C2orf78: variants seen among roughly 807,000 people sequenced by gnomAD.
C2orf78 encodes chromosome 2 open reading frame 78.
In C2orf78, 12 loss-of-function variants were observed where a neutral mutation model predicts 21.4. The ratio of observed to expected loss-of-function variants is 0.56; its 90% CI spans 0.36 to 0.91. The LOEUF (loss-of-function observed/expected upper bound fraction) is 0.91, where lower values mean the gene tolerates loss of function less well. Among genes scored for constraint, C2orf78 ranks in the 40% least tolerant of loss-of-function variants. The probability of loss-of-function intolerance (pLI) is 0.01; values close to 1 mark genes in which losing one functional copy is unlikely to be tolerated. For synonymous variants in C2orf78, 396 were observed against 413.9 expected, an observed-to-expected ratio of 0.96 and a Z score of 0.52; for missense variants, 1,042 against 1,092.4, an observed-to-expected ratio of 0.95 and a Z score of 0.65.
At chr2:73,815,832 A>G (rs1340459623) in exon 3 of C2orf78, 4 of 1,613,706 alleles carry the variant, frequency 2.5e-6, no homozygotes, top group Admixed American at 3.3e-5. Context: ...TGGCAGTGCT[A>G]CAGTCAGTAA....
At chr2:73,813,742 C>T in exon 2 of C2orf78, 1 of 1,614,058 alleles carries the variant, frequency 6.2e-7, no homozygotes, top group East Asian at 2.2e-5. Flanking sequence ...CTTCAGCTGC[C>T]TCTTATCCAG....
exon 3 of C2orf78, chr2:73,815,583 C>T (rs557579254): frequency 1.9e-6 from 3 of 1,613,936 alleles, no homozygotes; most frequent in African/African-American, 1.3e-5. Flanking sequence ...TACTTACCTC[C>T]CCCCGATCTT....
At chr2:73,808,227 C>G (rs1672998857) in intron 1 of C2orf78, among the ~76,000 whole-genome samples, 1 of 150,920 alleles carries the variant, frequency 6.6e-6, no homozygotes, top group African/African-American at 2.5e-5. Context: ...GCACTCCAGC[C>G]TGGGTGACAG....
rs760545460 is a variant in C2orf78 at position 73,813,461 on chromosome 2, CTCTT to C, written c.98-15_98-12del. 1.4e-5 allele frequency: 22 copies of C among 1,564,228 alleles called. No individual in the cohort carries two copies. The Middle Eastern group carries it at 5.1e-4, about 37-fold the overall frequency. Reference sequence around the variant, plus strand: ...CACTCTCATCGGTTTTTTCATCTCTCTCTTGTTTCCTACAGAATATTTCCAAAAT... The same window carrying C: ...CACTCTCATCGGTTTTTTCATCTCTCGTTTCCTACAGAATATTTCCAAAAT... On this transcript the variant is annotated splice_polypyrimidine_tract_variant and intron_variant, in intron 1 of 2. Coordinates refer to ENST00000409561, the Ensembl canonical transcript of C2orf78.
chr2:73,810,969 CATATAT>C (rs35395110), intron 1 of C2orf78, among the ~76,000 whole-genome samples: 5 of 136,130 alleles, frequency 3.7e-5, no homozygotes, highest in African/African-American at 1.4e-4. Flanking sequence ...ATGTATATTT[CATATAT>C]ATATATATAT....
At chr2:73,814,484 C>G (rs1448558413) in intron 2 of C2orf78, among the ~76,000 whole-genome samples, 3 of 152,212 alleles carry the variant, frequency 2.0e-5, no homozygotes, top group Non-Finnish European at 4.4e-5. Context: ...TTTTAGTGCC[C>G]TGACTGATCA....
chr2:73,810,363 A>C (rs1451707633), intron 1 of C2orf78, among the ~76,000 whole-genome samples: 1 of 151,698 alleles, frequency 6.6e-6, no homozygotes, highest in African/African-American at 2.4e-5. Context: ...CCCTGTCTCT[A>C]CTAAAAATAC....
chr2:73,810,600 A>AATATATATATTTTATATATATACATAAT (rs1385260548), intron 1 of C2orf78, among the ~76,000 whole-genome samples: 1 of 138,618 alleles, frequency 7.2e-6, no homozygotes, highest in Non-Finnish European at 1.5e-5. Context: ...ATATACATAA[A>AATATATATATTTTATATATATACATAAT]ATATATATAT....
intron 1 of C2orf78, among the ~76,000 whole-genome samples, chr2:73,811,213 C>T (rs1673082679): frequency 6.6e-6 from 1 of 151,768 alleles, no homozygotes; most frequent in Admixed American, 6.6e-5. Flanking sequence ...ATCTCTGGAA[C>T]CTGGGAGGCA....
At position 73,816,143 on chromosome 2, in the gene C2orf78, C is replaced by A. The variant is rs200932352; in HGVS notation, c.1920C>A (p.Leu640=). 95 of 1,613,806 alleles carry A rather than the reference C, an allele frequency of 5.9e-5. No individual in the cohort carries two copies. The East Asian group carries it at 2.1e-3, about 35-fold the overall frequency. Residue 640 remains leucine (L), a synonymous_variant, in exon 3 of 3, where the codon CTC becomes CTA. Transcript: ENST00000409561. Reference sequence around the variant, plus strand: ...AGTCCGTGCAAGTTTTCCATGCACTCGGGAAAAAGATCGATATGAAAACTG... The same window carrying A: ...AGTCCGTGCAAGTTTTCCATGCACTAGGGAAAAAGATCGATATGAAAACTG...
In C2orf78 at chr2:73,810,501, T is replaced by C. The variant is rs539381753; in HGVS notation, c.98-2976T>C. 8.8e-4 allele frequency among the ~76,000 whole-genome samples: 131 copies of C among 148,938 alleles called. 3 individuals carry two copies. The highest frequency in any genetic ancestry group is 8.7e-3 in the Admixed American group (128 of 14,642). On this transcript the variant is annotated intron_variant, in intron 1 of 2. Coordinates refer to ENST00000409561, the Ensembl canonical transcript of C2orf78. ...TAGATCATGCCATTGCACTCCAGCA[T>C]GGGCAACAAGAGCGAAACTCTGTCT...
At chr2:73,816,539 T>C (rs753334070) in exon 3 of C2orf78, 78 of 1,613,788 alleles carry the variant, frequency 4.8e-5, no homozygotes, top group Non-Finnish European at 7.6e-6. Flanking sequence ...GACCAGCTCC[T>C]ACCAACACAT....
intron 1 of C2orf78, among the ~76,000 whole-genome samples, chr2:73,810,969 C>CATATAT (rs35395110): frequency 6.5e-4 from 88 of 136,120 alleles, no homozygotes; most frequent in African/African-American, 2.2e-3. Flanking sequence ...ATGTATATTT[C>CATATAT]ATATATATAT....
chr2:73,816,673 C>T (rs986657130), exon 3 of C2orf78: 3 of 1,613,908 alleles, frequency 1.9e-6, no homozygotes, highest in Non-Finnish European at 2.5e-6. Context: ...GCCTACAAAA[C>T]ATCATCTTGT....
chr2:73,808,044 A>G (rs1174537463), intron 1 of C2orf78, among the ~76,000 whole-genome samples: 2 of 151,138 alleles, frequency 1.3e-5, no homozygotes, highest in Non-Finnish European at 2.9e-5. Context: ...TCACAAGGTC[A>G]GGTGATCGAA....
exon 3 of C2orf78, chr2:73,815,315 G>C (rs1673169569): frequency 6.2e-7 from 1 of 1,613,924 alleles, no homozygotes; most frequent in Non-Finnish European, 8.5e-7. Flanking sequence ...ATTTGGATGA[G>C]ATTAAAACCA....
chr2:73,809,098 A>T (rs540765474), intron 1 of C2orf78, among the ~76,000 whole-genome samples: 1 of 152,304 alleles, frequency 6.6e-6, no homozygotes, highest in East Asian at 1.9e-4. Flanking sequence ...CTCTCACAAA[A>T]TCTGTTTCCT....
At chr2:73,807,974 G>A (rs749903721) in intron 1 of C2orf78, among the ~76,000 whole-genome samples, 10 of 151,094 alleles carry the variant, frequency 6.6e-5, no homozygotes, top group Non-Finnish European at 1.5e-4. Flanking sequence ...TCGGCAGTAG[G>A]GCCGGGTGCG....
chr2:73,815,884 C>G lies in C2orf78; in HGVS notation c.1661C>G (p.Pro554Arg), dbSNP rs374322868. The change falls in exon 3 of 3, where the codon CCT (proline) becomes CGT (arginine). Residue 554 changes from proline (P) to arginine (R), a missense_variant. Physicochemically the swap from Pro to Arg is moderately radical, Grantham distance 103 (BLOSUM62 -2). This residue lies in a region of C2orf78 where 1,039 missense variants were observed against 1,069.7 expected (regional missense o/e 0.97). Coordinates refer to ENST00000409561, the Ensembl canonical transcript of C2orf78. ...AAGGCCAAGCATTCTAGCAACAAAC[C>G]TCACAAGGCTGCATCCAGCAGGATC... The G allele has an allele frequency of 1.3e-5, 21 of 1,613,574 alleles. No homozygotes were observed. The African/African-American group carries it at 2.7e-4, about 20-fold the overall frequency.
Sources: gnomAD v4.1 joint callset for allele counts (sites outside exome capture counted in the v4.1 genomes callset) on GRCh38, gnomAD v4.1.1 for gene constraint, gnomAD v4.1.1 regional missense constraint, MANE v1.5 for transcripts, NCBI Gene and HGNC (gene_info 2026-07-23, HGNC 2026-07-21) for gene names.